The following AHRR variants were observed in gnomAD, a reference collection of about 807,000 sequenced individuals.
The protein encoded by AHRR is ahR repressor.
In AHRR, 28 loss-of-function variants were observed where a neutral mutation model predicts 44.0. The ratio of observed to expected loss-of-function variants is 0.64; its 90% CI spans 0.47 to 0.87. AHRR has a LOEUF of 0.87. AHRR is among the 40% of genes least tolerant of loss of function. AHRR has a pLI of 0.00. For missense variants in AHRR, 990 were observed against 953.9 expected, an observed-to-expected ratio of 1.04 and a Z score of -0.50; for synonymous variants, 434 against 407.0, an observed-to-expected ratio of 1.07 and a Z score of -0.80.
intron 1 of AHRR, among the ~76,000 whole-genome samples, chr5:332,085 T>C (rs1436800271): frequency 6.6e-6 from 1 of 152,182 alleles, no homozygotes; most frequent in Non-Finnish European, 1.5e-5. Flanking sequence ...GCATATTGTT[T>C]AATTTCCATG....
chr5:403,368 G>T (rs1232288151), intron 4 of AHRR, among the ~76,000 whole-genome samples: 1 of 152,204 alleles, frequency 6.6e-6, no homozygotes, highest in Non-Finnish European at 1.5e-5. Flanking sequence ...CGGGTGCAGT[G>T]GCTCACCCTG....
intron 4 of AHRR, among the ~76,000 whole-genome samples, chr5:401,723 G>A (rs1015395591): frequency 1.8e-4 from 27 of 152,172 alleles, no homozygotes; most frequent in African/African-American, 4.6e-4. Context: ...CTGAGTCACC[G>A]TTTCTCCCAG....
chr5:367,154 G>A (rs1439511389), intron 3 of AHRR, among the ~76,000 whole-genome samples: 2 of 152,230 alleles, frequency 1.3e-5, no homozygotes, highest in Non-Finnish European at 2.9e-5. Flanking sequence ...GTTTATATGA[G>A]CTCTAAAGTG....
intron 4 of AHRR, among the ~76,000 whole-genome samples, chr5:392,492 G>GGGTGCAGATGTGGCA (rs1190260694): frequency 2.0e-5 from 3 of 152,164 alleles, no homozygotes; most frequent in Non-Finnish European, 4.4e-5. Flanking sequence ...AGGGCGAGGT[G>GGGTGCAGATGTGGCA]GGTGCAGATG....
intron 2 of AHRR, among the ~76,000 whole-genome samples, chr5:345,532 C>T (rs1742634793): frequency 8.3e-6 from 1 of 119,782 alleles, no homozygotes; most frequent in Non-Finnish European, 1.7e-5. Flanking sequence ...CAGATGATGT[C>T]TCTGGCTGTG....
chr5:423,800 C>A, intron 6 of AHRR, 41 bp from the exon 7 acceptor site: 2 of 1,557,632 alleles, frequency 1.3e-6, no homozygotes, highest in Admixed American at 1.8e-5. Context: ...TGTGTTTTGG[C>A]TTCTCCCACC....
rs185175446 is a variant in AHRR at position 416,924 on chromosome 5, C to T, written c.441+3491C>T. Among the ~76,000 whole-genome samples the T allele has an allele frequency of 1.2e-3, 188 of 150,880 alleles. 12 individuals carry two copies. In the East Asian group the frequency reaches 0.019, roughly 16 times the overall value. On this transcript the variant is annotated intron_variant, in intron 5 of 10. Coordinates refer to ENST00000684583, the MANE Select transcript of AHRR (RefSeq NM_001377236.1). ...GTGCAGGTCCCGAGTCTAGAGAAGG[C>T]GGCTTGGTCTTTATGTGCAGGGCCC...
chr5:407,200 C>T (rs781696565), intron 4 of AHRR, among the ~76,000 whole-genome samples: 12 of 152,142 alleles, frequency 7.9e-5, no homozygotes, highest in Non-Finnish European at 1.3e-4. Context: ...CTGCCAGCTG[C>T]GTAATCAGTT....
intron 1 of AHRR, 27 bp from the exon 2 acceptor site, chr5:343,866 G>A: frequency 6.3e-7 from 1 of 1,585,596 alleles, no homozygotes; most frequent in Non-Finnish European, 8.6e-7. Flanking sequence ...GCGCGTTCCG[G>A]TGACCGGGTG....
rs546650499 is a variant in AHRR at position 353,740 on chromosome 5, G to A, written c.73G>A (p.Val25Met). ...RRPLQKQRPA[V>M]GAEKSNPSKR... ...ACCATCTCCCCACAGGAGGCCCGCC[G>A]TGGGGGCAGAGAAGTCCAACCCCTC... Residue 25 changes from valine (V) to methionine (M), a missense_variant, in exon 3 of 11, where the codon GTG (valine) becomes ATG (methionine). Val to Met is a conservative substitution (Grantham distance 21). Coordinates refer to ENST00000684583, the MANE Select transcript of AHRR (RefSeq NM_001377236.1). 7.8e-5 allele frequency: 126 copies of A among 1,609,834 alleles called. No individual in the cohort carries two copies. Among genetic ancestry groups the A allele is most frequent in the Non-Finnish European group, 9.1e-5 (107 of 1,179,046 alleles).
In AHRR at chr5:430,050, C is replaced by G. The variant is rs947518568; in HGVS notation, c.908+2044C>G. ...GAGCTGTGCAGACCGGAGCAGACGTCCCCGCCCTGTTCTGGGCGCTGCCTT... is the reference window on the plus strand; with the variant it reads ...GAGCTGTGCAGACCGGAGCAGACGTGCCCGCCCTGTTCTGGGCGCTGCCTT... On this transcript the variant is annotated intron_variant, in intron 8 of 10. Coordinates refer to ENST00000684583, the MANE Select transcript of AHRR (RefSeq NM_001377236.1). 2.0e-5 allele frequency among the ~76,000 whole-genome samples: 3 copies of G among 152,232 alleles called. No individual in the cohort carries two copies. In the East Asian group the frequency reaches 5.8e-4, roughly 29 times the overall value.
chr5:325,428 G>A (rs1264508936), intron 1 of AHRR, among the ~76,000 whole-genome samples: 1 of 152,216 alleles, frequency 6.6e-6, no homozygotes, highest in Non-Finnish European at 1.5e-5. Context: ...GCTTGGGTGC[G>A]GCTTGGGAGT....
At chr5:343,850 C>T (rs913210374) in intron 1 of AHRR, 43 bp from the exon 2 acceptor site, 2 of 1,563,248 alleles carry the variant, frequency 1.3e-6, no homozygotes, top group African/African-American at 2.8e-5. Flanking sequence ...GAACAGGGCG[C>T]ACGTGGCGCG....
chr5:403,456 T>G (rs1355638970), intron 4 of AHRR, among the ~76,000 whole-genome samples: 1 of 152,056 alleles, frequency 6.6e-6, no homozygotes, highest in Non-Finnish European at 1.5e-5. Flanking sequence ...GCCAACATGG[T>G]GAAACGCTGT....
chr5:412,462 G>A (rs761516811), intron 4 of AHRR, among the ~76,000 whole-genome samples: 1 of 152,114 alleles, frequency 6.6e-6, no homozygotes, highest in African/African-American at 2.4e-5. Context: ...GGAGTGACTC[G>A]TGTCTTGATG....
chr5:392,271 C>T lies in AHRR; in HGVS notation c.351+15555C>T, dbSNP rs552392261. ...GGGCGAGGCAGGGCCAGAGCGTGCACGGGCGCAGGGCGAGGAGGGCGCAGG... is the reference window on the plus strand; with the variant it reads ...GGGCGAGGCAGGGCCAGAGCGTGCATGGGCGCAGGGCGAGGAGGGCGCAGG... On this transcript the variant is annotated intron_variant, in intron 4 of 10. Coordinates refer to ENST00000684583, the MANE Select transcript of AHRR (RefSeq NM_001377236.1). Among the ~76,000 whole-genome samples the T allele has an allele frequency of 4.2e-3, 265 of 63,426 alleles. 1 individual carries two copies. The highest frequency in any genetic ancestry group is 5.7e-3 in the Non-Finnish European group (198 of 34,642). The allele number at this position is 63,426 out of a possible 152,430, so 41.6% of individuals were successfully genotyped here. A position where few individuals can be genotyped will look rare whatever the true frequency, so the allele number is the denominator to read the frequency against.
At chr5:362,104 A>G (rs1216711088) in intron 3 of AHRR, among the ~76,000 whole-genome samples, 1 of 152,206 alleles carries the variant, frequency 6.6e-6, no homozygotes, top group Non-Finnish European at 1.5e-5. Context: ...AAATGCGGTC[A>G]TAAGGGCAGA....
intron 4 of AHRR, among the ~76,000 whole-genome samples, chr5:391,878 G>GC: frequency 8.1e-5 from 2 of 24,826 alleles, no homozygotes; most frequent in Non-Finnish European, 1.3e-4. Flanking sequence ...GCAGGGCGAG[G>GC]AGGGCGCAGG....
chr5:379,709 G>A (rs544743883), intron 4 of AHRR, among the ~76,000 whole-genome samples: 29 of 152,280 alleles, frequency 1.9e-4, no homozygotes, highest in African/African-American at 6.7e-4. Flanking sequence ...ATTCAGTTTA[G>A]AGATCTCTTT....
Sources: gnomAD v4.1 joint callset for allele counts (sites outside exome capture counted in the v4.1 genomes callset) on GRCh38, gnomAD v4.1.1 for gene constraint, MANE v1.5 for transcripts, NCBI Gene and HGNC (gene_info 2026-07-23, HGNC 2026-07-21) for gene names.